Variants in TARS3 observed in about 807,000 individuals in gnomAD.
TARS3 encodes the protein threonyl-tRNA synthetase 3.
A neutral mutation model predicts 103.5 loss-of-function variants in TARS3; 94 were observed. That is an observed-to-expected ratio of 0.91 (90% CI 0.77 to 1.08). The LOEUF is 1.08. Ranked by LOEUF, TARS3 falls within the 50% of genes least tolerant of loss-of-function variation. The pLI is 0.00. For synonymous variants in TARS3, 416 were observed against 355.4 expected (o/e 1.17, Z -1.92); for missense variants, 952 against 995.2 (o/e 0.96, Z 0.58).
chr15:101,673,918 T>C (rs569667587), intron 13 of TARS3, among the ~76,000 whole-genome samples: 1 of 152,316 alleles, frequency 6.6e-6, no homozygotes, highest in African/African-American at 2.4e-5. Context: ...ATTTCTCATA[T>C]TGGTGTGTTA....
rs901834164 is a variant in TARS3, at chr15:101,723,943, C to A, written c.297+148G>T. The A allele has an allele frequency of 1.5e-5, 5 of 323,458 alleles. No homozygotes were observed. The African/African-American group carries it at 2.0e-4, about 13-fold the overall frequency. 20.0% of individuals were successfully genotyped at this position (323,458 alleles called of 1,614,324 possible). A position where few individuals can be genotyped will look rare whatever the true frequency, so the allele number is the denominator to read the frequency against. On this transcript the variant is annotated intron_variant, in intron 1 of 18. Transcript: ENST00000335968. ...CCCCAGGCCACACGGGACCACCGAG[C>A]AGGGCAGGGCGGGCCAGCCGCAGGG...
intron 12 of TARS3, among the ~76,000 whole-genome samples, chr15:101,676,148 G>A (rs543673896): frequency 6.6e-6 from 1 of 152,362 alleles, no homozygotes; most frequent in East Asian, 1.9e-4. Flanking sequence ...CATACGATGG[G>A]CTGAAGGGCA....
rs899711147 is a variant in TARS3, at chr15:101,653,805, A to G, written c.*777T>C. 1.3e-5 allele frequency: 2 copies of G among 152,258 alleles called. No individual in the cohort carries two copies. The highest frequency in any genetic ancestry group is 4.8e-5 in the African/African-American group (2 of 41,460). 9.4% of individuals were successfully genotyped at this position (152,258 alleles called of 1,614,324 possible). On this transcript the variant is annotated 3_prime_UTR_variant, in exon 19 of 19. Coordinates refer to ENST00000335968, the MANE Select transcript of TARS3 (RefSeq NM_152334.3). ...TAATTCAGTTCTGAGCACGTAGAGC[A>G]TTCCTCTCTTTAAAATCTGAAATCC...
At chr15:101,659,550 C>T (rs537827442) in intron 16 of TARS3, among the ~76,000 whole-genome samples, 32 of 152,210 alleles carry the variant, frequency 2.1e-4, no homozygotes, top group South Asian at 8.3e-4. Flanking sequence ...TCCGTCTCTG[C>T]GACAAAGGAA....
intron 12 of TARS3, among the ~76,000 whole-genome samples, chr15:101,682,541 G>C (rs1314810899): frequency 1.3e-5 from 2 of 151,920 alleles, no homozygotes; most frequent in Non-Finnish European, 2.9e-5. Context: ...ATTTGACTTA[G>C]TAAAATGTTG....
At chr15:101,722,258 C>G (rs534900921) in intron 2 of TARS3, among the ~76,000 whole-genome samples, 1 of 151,354 alleles carries the variant, frequency 6.6e-6, no homozygotes, top group African/African-American at 2.4e-5. Context: ...CCACGCCCAG[C>G]CCCCATGACA....
Position 101,724,072 on chromosome 15 carries a change from G to A in TARS3, c.297+19C>T, listed in dbSNP as rs926387310. 54 of 1,357,746 alleles carry A rather than the reference G, an allele frequency of 4.0e-5. No homozygotes were observed. The highest frequency in any genetic ancestry group is 4.7e-5 in the Non-Finnish European group (50 of 1,058,190). The allele number at this position is 1,357,746 out of a possible 1,614,324, so 84.1% of individuals were successfully genotyped here. On this transcript the variant is annotated intron_variant, in intron 1 of 18. Coordinates refer to ENST00000335968, the MANE Select transcript of TARS3 (RefSeq NM_152334.3). ...CCGCCCCGCCCGCGTCCTCTCCAGT[G>A]TCCCCACCGCCCGGTTACCTGTGCG...
chr15:101,674,573 G>A (rs571605279), intron 13 of TARS3, among the ~76,000 whole-genome samples: 2 of 152,168 alleles, frequency 1.3e-5, no homozygotes, highest in South Asian at 2.1e-4. Context: ...TTGGGAGGCC[G>A]AGGCAGGAGG....
At chr15:101,662,047 AAG>A (rs1257559487) in intron 15 of TARS3, among the ~76,000 whole-genome samples, 12 of 152,310 alleles carry the variant, frequency 7.9e-5, no homozygotes, top group Non-Finnish European at 1.8e-4. Flanking sequence ...AAGTAGAGAG[AAG>A]AGTATAATGA....
At chr15:101,711,633 A>G (rs1567354158) in intron 5 of TARS3, among the ~76,000 whole-genome samples, 1 of 152,226 alleles carries the variant, frequency 6.6e-6, no homozygotes, top group Admixed American at 6.5e-5. Context: ...TGATACACCT[A>G]AGATACAAAC....
Position 101,657,794 on chromosome 15 carries a change from A to C in TARS3, c.2136T>G (p.Tyr712Ter). 1 of 1,608,346 alleles carries C rather than the reference A, an allele frequency of 6.2e-7. No homozygotes were observed. The highest frequency in any genetic ancestry group is 8.5e-7 in the Non-Finnish European group (1 of 1,176,536). ...ACACCTCTGATTTTACCTGAAGTGCATATTTTTCACAAGTTGGCCCCACAG... is the reference window on the plus strand; with the variant it reads ...ACACCTCTGATTTTACCTGAAGTGCCTATTTTTCACAAGTTGGCCCCACAG... ...VIPVGPTCEKYALQVSSEFFE... is the reference protein window; with the variant it reads ...VIPVGPTCEK Residue 712 changes from tyrosine (Y) to a stop codon, truncating the protein, a stop_gained, in exon 17 of 19, where the codon TAT (tyrosine) becomes TAG (stop). Coordinates refer to ENST00000335968, the MANE Select transcript of TARS3 (RefSeq NM_152334.3). LOFTEE classifies it high-confidence loss of function.
intron 3 of TARS3, among the ~76,000 whole-genome samples, chr15:101,718,588 T>A (rs1178350916): frequency 1.3e-5 from 2 of 152,060 alleles, no homozygotes; most frequent in Non-Finnish European, 2.9e-5. Flanking sequence ...ATAGCCCTTC[T>A]CAAAGGCCAC....
In TARS3 at chr15:101,684,086, T is replaced by G. The variant is rs1275436450; in HGVS notation, c.1639A>C (p.Thr547Pro). 1.2e-6 allele frequency: 2 copies of G among 1,613,088 alleles called. No homozygotes were observed. The highest frequency in any genetic ancestry group is 1.7e-6 in the Non-Finnish European group (2 of 1,179,484). The change falls in exon 12 of 19, where the codon ACA (threonine) becomes CCA (proline). Residue 547 changes from threonine to proline, a missense_variant. This residue lies in a region of TARS3 where 540 missense variants were observed against 631.0 expected (regional missense o/e 0.86). Coordinates refer to ENST00000335968, the MANE Select transcript of TARS3 (RefSeq NM_152334.3). The stretch of plus-strand genomic sequence containing the variant: ...GTGTTATTGTTTACCTGCTCCACTG[T>G]GCAAAAAATGTGAGCATCGTCCTGC... Reference protein sequence around the residue: ...FQQDDAHIFCTVEQIEEEIKG... With the variant: ...FQQDDAHIFCPVEQIEEEIKG...
chr15:101,671,775 A>G (rs112797985), intron 13 of TARS3, 27 bp from the exon 14 acceptor site: 1 of 1,587,350 alleles, frequency 6.3e-7, no homozygotes, highest in Non-Finnish European at 8.6e-7. Context: ...AAAAAGATAC[A>G]ATTATACACT....
chr15:101,687,393 A>G (rs1161859124), intron 10 of TARS3, among the ~76,000 whole-genome samples: 3 of 151,982 alleles, frequency 2.0e-5, no homozygotes, highest in Non-Finnish European at 4.4e-5. Context: ...ACAAAGCTAG[A>G]CTCCATCTCA....
intron 4 of TARS3, among the ~76,000 whole-genome samples, chr15:101,714,011 G>C (rs1900002901): frequency 6.6e-6 from 1 of 152,138 alleles, no homozygotes; most frequent in Non-Finnish European, 1.5e-5. Flanking sequence ...TGTAACCTAA[G>C]CTAATCATAA....
intron 3 of TARS3, among the ~76,000 whole-genome samples, chr15:101,716,466 A>C (rs908736640): frequency 6.6e-6 from 1 of 152,166 alleles, no homozygotes; most frequent in African/African-American, 2.4e-5. Flanking sequence ...TAGTATCATA[A>C]TTATGTGATT....
chr15:101,712,631 C>A (rs1899924308), intron 4 of TARS3, among the ~76,000 whole-genome samples: 1 of 152,096 alleles, frequency 6.6e-6, no homozygotes. Context: ...AGTCCAGAGC[C>A]CGGTTGTCAG....
chr15:101,660,691 A>G (rs1035745795), intron 16 of TARS3, among the ~76,000 whole-genome samples: 1 of 152,184 alleles, frequency 6.6e-6, no homozygotes, highest in African/African-American at 2.4e-5. Flanking sequence ...GATCACAATT[A>G]ATCACTGACT....
Sources: gnomAD v4.1 joint callset for allele counts (sites outside exome capture counted in the v4.1 genomes callset) on GRCh38, gnomAD v4.1.1 for gene constraint, gnomAD v4.1.1 regional missense constraint, MANE v1.5 for transcripts, NCBI Gene and HGNC (gene_info 2026-07-23, HGNC 2026-07-21) for gene names.